Variants in SNX29 observed in about 807,000 individuals in gnomAD.
SNX29 encodes sorting nexin-29.
In SNX29, 78 loss-of-function variants were observed where a neutral mutation model predicts 102.1. That is an observed-to-expected ratio of 0.76 (90% confidence interval 0.64 to 0.92). The LOEUF is 0.92. Ranked by LOEUF, SNX29 falls within the 40% of genes least tolerant of loss-of-function variation. The probability of loss-of-function intolerance (pLI) is 0.00; values close to 1 mark genes in which losing one functional copy is unlikely to be tolerated. For missense variants in SNX29, 1,280 were observed against 1,061.7 expected, an observed-to-expected ratio of 1.21 and a Z score of -2.86; for synonymous variants, 580 against 414.5, an observed-to-expected ratio of 1.40 and a Z score of -4.85.
At chr16:12,477,953 C>T (rs1349279536) in intron 19 of SNX29, 94 bp downstream of exon 19, 4 of 1,386,412 alleles carry the variant, frequency 2.9e-6, no homozygotes, top group African/African-American at 2.9e-5. Context: ...AAAACACATG[C>T]TCCTTAAAGA....
intron 18 of SNX29, among the ~76,000 whole-genome samples, chr16:12,405,380 T>C (rs928504534): frequency 2.6e-5 from 4 of 152,112 alleles, no homozygotes; most frequent in African/African-American, 9.7e-5. Flanking sequence ...ACTGTGGCAG[T>C]GAAGCCACTC....
chr16:11,980,694 G>A (rs1482070215), intron 1 of SNX29, among the ~76,000 whole-genome samples: 1 of 152,168 alleles, frequency 6.6e-6, no homozygotes, highest in Non-Finnish European at 1.5e-5. Flanking sequence ...AGACATTCTA[G>A]TGAGTGTGAA....
At position 12,422,044 on chromosome 16, in the gene SNX29, C is replaced by G. The variant is rs117074340; in HGVS notation, c.2037+18515C>G. 1.7e-3 allele frequency among the ~76,000 whole-genome samples: 263 copies of G among 152,196 alleles called. 7 individuals carry two copies. In the East Asian group the frequency reaches 0.035, roughly 20 times the overall value. On this transcript the variant is annotated intron_variant, in intron 18 of 20. Coordinates refer to ENST00000566228, the MANE Select transcript of SNX29 (RefSeq NM_032167.5). ...AGCCATCCATAGCATCATCACCTAT[C>G]ATCCATATCCTCACCATCATCAAAC...
chr16:12,312,240 A>G (rs2080580134), intron 15 of SNX29, among the ~76,000 whole-genome samples: 1 of 152,174 alleles, frequency 6.6e-6, no homozygotes, highest in Non-Finnish European at 1.5e-5. Flanking sequence ...GAATGTCCCC[A>G]TCCCAGCCCC....
chr16:11,986,164 G>A (rs2055615835), intron 1 of SNX29, among the ~76,000 whole-genome samples: 1 of 151,984 alleles, frequency 6.6e-6, no homozygotes, highest in Admixed American at 6.6e-5. Flanking sequence ...TGGGGGCTGA[G>A]CAGTTTGAAT....
chr16:12,365,358 G>GTGTGTGTGTGTGTGTGTATGTGTA (rs1485263456), intron 16 of SNX29, among the ~76,000 whole-genome samples: 1 of 150,362 alleles, frequency 6.7e-6, no homozygotes, highest in Non-Finnish European at 1.5e-5. Flanking sequence ...GTGTGTGTGT[G>GTGTGTGTGTGTGTGTGTATGTGTA]TGTGTGTTTA....
rs757457728 is a variant in SNX29, at chr16:12,140,525, T to C, written c.1595+10767T>C. 1.7e-4 allele frequency among the ~76,000 whole-genome samples: 26 copies of C among 152,142 alleles called. 1 individual carries two copies. Among genetic ancestry groups the C allele is most frequent in the African/African-American group, 2.4e-5 (1 of 41,446 alleles). On this transcript the variant is annotated intron_variant, in intron 13 of 20. Coordinates refer to ENST00000566228, the MANE Select transcript of SNX29 (RefSeq NM_032167.5). ...AAACCAGGATGTTCCTCCCATCAGATTGGGGGTGCATGCGGTGAGGTGCAG... is the reference window on the plus strand; with the variant it reads ...AAACCAGGATGTTCCTCCCATCAGACTGGGGGTGCATGCGGTGAGGTGCAG...
chr16:12,439,267 G>GTA (rs5815688), intron 18 of SNX29, among the ~76,000 whole-genome samples: 1 of 151,756 alleles, frequency 6.6e-6, no homozygotes, highest in African/African-American at 2.4e-5. Context: ...ACCATGACCT[G>GTA]GTGACAAGAT....
intron 20 of SNX29, among the ~76,000 whole-genome samples, chr16:12,560,350 A>G (rs898570698): frequency 9.2e-5 from 14 of 152,098 alleles, no homozygotes; most frequent in Admixed American, 7.2e-4. Context: ...GGGGATTTAC[A>G]TTCATCTGGT....
At chr16:12,531,703 A>T (rs1055312514) in intron 20 of SNX29, among the ~76,000 whole-genome samples, 15 of 152,162 alleles carry the variant, frequency 9.9e-5, no homozygotes, top group Non-Finnish European at 1.6e-4. Context: ...TCAAGGGGAC[A>T]AGGAGGGGAA....
At chr16:11,982,220 A>C (rs915096211) in intron 1 of SNX29, among the ~76,000 whole-genome samples, 5 of 151,748 alleles carry the variant, frequency 3.3e-5, no homozygotes, top group African/African-American at 1.2e-4. Flanking sequence ...GGTGGTCACA[A>C]TTTGTTTATT....
At chr16:12,271,608 G>GT (rs1319991191) in intron 14 of SNX29, among the ~76,000 whole-genome samples, 3 of 151,638 alleles carry the variant, frequency 2.0e-5, no homozygotes, top group Non-Finnish European at 2.9e-5. Context: ...TTTGTTGAAT[G>GT]TAATATATTG....
Position 12,168,380 on chromosome 16 carries a change from C to T in SNX29, c.1596-31221C>T, listed in dbSNP as rs375722329. Among the ~76,000 whole-genome samples, 4 of 152,154 alleles carry T rather than the reference C, an allele frequency of 2.6e-5. No individual in the cohort carries two copies. The East Asian group carries it at 7.7e-4, about 29-fold the overall frequency. On this transcript the variant is annotated intron_variant, in intron 13 of 20. Coordinates refer to ENST00000566228, the MANE Select transcript of SNX29 (RefSeq NM_032167.5). ...CCTTTGCATGTGAGGAAACTGGAAG[C>T]TTAAGGAACCCTTGTCACGGGTCAC...
chr16:12,355,396 C>T (rs537594237), intron 15 of SNX29, among the ~76,000 whole-genome samples: 1 of 152,166 alleles, frequency 6.6e-6, no homozygotes, highest in African/African-American at 2.4e-5. Context: ...TGTTTTCGCA[C>T]TGCATACAGT....
At chr16:12,101,085 A>G (rs933535632) in intron 11 of SNX29, among the ~76,000 whole-genome samples, 1 of 152,058 alleles carries the variant, frequency 6.6e-6, no homozygotes, top group African/African-American at 2.4e-5. Context: ...CTGTTACTTC[A>G]TTGGAGGGAC....
rs199513520 is a variant in SNX29, at chr16:12,418,280, C to T, written c.2037+14751C>T. ...GCAAAACCGTTTGCTAGCGTCCTTC[C>T]TCCAGATTAACCTGATCAGGAGAGA... On this transcript the variant is annotated intron_variant, in intron 18 of 20. Transcript: ENST00000566228. Among the ~76,000 whole-genome samples the T allele has an allele frequency of 9.2e-5, 14 of 152,324 alleles. No homozygotes were observed. The East Asian group carries it at 2.1e-3, about 23-fold the overall frequency.
At chr16:12,280,894 G>A (rs1294616394) in intron 15 of SNX29, among the ~76,000 whole-genome samples, 1 of 152,174 alleles carries the variant, frequency 6.6e-6, no homozygotes, top group African/African-American at 2.4e-5. Context: ...AAAGGAAGAA[G>A]AAGAAACATT....
rs144354691 is a variant in SNX29 at position 12,042,606 on chromosome 16, C to T, written c.248-291C>T. ...TTTCGTTTTCTATTTCTGTGTAATTCGCTTAGGATAATGGCCTCCAGTCAT... is the reference window on the plus strand; with the variant it reads ...TTTCGTTTTCTATTTCTGTGTAATTTGCTTAGGATAATGGCCTCCAGTCAT... On this transcript the variant is annotated intron_variant, in intron 4 of 20. Transcript: ENST00000566228. 8.1e-3 allele frequency among the ~76,000 whole-genome samples: 1,226 copies of T among 152,244 alleles called. 17 individuals are homozygous for T. The highest frequency in any genetic ancestry group is 0.026 in the African/African-American group (1,061 of 41,534).
intron 14 of SNX29, among the ~76,000 whole-genome samples, chr16:12,238,304 T>C (rs1447256625): frequency 2.0e-3 from 48 of 23,984 alleles, no homozygotes; most frequent in African/African-American, 0.012. Flanking sequence ...GGATGGGCAC[T>C]TTTTTTTTTT....
Sources: gnomAD v4.1 joint callset for allele counts (sites outside exome capture counted in the v4.1 genomes callset) on GRCh38, gnomAD v4.1.1 for gene constraint, MANE v1.5 for transcripts, NCBI Gene and HGNC (gene_info 2026-07-23, HGNC 2026-07-21) for gene names.